TBCK: variants seen among roughly 807,000 people sequenced by gnomAD.
The protein encoded by TBCK is TBC domain-containing protein kinase-like protein.
Under a neutral mutation model 113.4 loss-of-function variants are expected in TBCK, and 99 were observed. The ratio of observed to expected loss-of-function variants is 0.87; its 90% confidence interval spans 0.74 to 1.03. The LOEUF (loss-of-function observed/expected upper bound fraction) is 1.03, where lower values mean the gene tolerates loss of function less well. Among genes scored for constraint, TBCK ranks in the 50% least tolerant of loss-of-function variants. The probability of loss-of-function intolerance (pLI) is 0.00; values close to 1 mark genes in which losing one functional copy is unlikely to be tolerated. For missense variants in TBCK, 1,045 were observed against 1,061.3 expected (o/e 0.98, Z 0.21); for synonymous variants, 369 against 370.8 (o/e 1.00, Z 0.05).
intron 22 of TBCK, among the ~76,000 whole-genome samples, chr4:106,179,894 T>A (rs1350228130): frequency 6.6e-6 from 1 of 152,108 alleles, no homozygotes; most frequent in Non-Finnish European, 1.5e-5. Context: ...GGTTAATTAA[T>A]ATTTGTTTTA....
chr4:106,249,791 T>C (rs1212625858), intron 7 of TBCK, among the ~76,000 whole-genome samples: 1 of 152,144 alleles, frequency 6.6e-6, no homozygotes, highest in African/African-American at 2.4e-5. Context: ...TATTTAATGT[T>C]TACTAATACT....
intron 2 of TBCK, among the ~76,000 whole-genome samples, chr4:106,303,190 T>C (rs1480374236): frequency 1.3e-5 from 2 of 152,192 alleles, no homozygotes; most frequent in Non-Finnish European, 2.9e-5. Flanking sequence ...TTGGTAAATA[T>C]ATGACATGGT....
chr4:106,076,521 T>C (rs72677306), intron 25 of TBCK, among the ~76,000 whole-genome samples: 42,706 of 151,972 alleles, frequency 0.28, 6,285 homozygotes, highest in Middle Eastern at 0.34. Context: ...CAGAGAACCC[T>C]TGTGAGATAC....
chr4:106,239,785 T>A (rs1245889331), intron 12 of TBCK, among the ~76,000 whole-genome samples: 1 of 151,962 alleles, frequency 6.6e-6, no homozygotes, highest in Non-Finnish European at 1.5e-5. Flanking sequence ...GTTTTAAAGC[T>A]AACTCCCATG....
chr4:106,221,483 T>C (rs1757673447), intron 19 of TBCK, among the ~76,000 whole-genome samples: 2 of 152,144 alleles, frequency 1.3e-5, no homozygotes, highest in Non-Finnish European at 2.9e-5. Flanking sequence ...GATAACAATA[T>C]GGCCTGTTAT....
intron 25 of TBCK, among the ~76,000 whole-genome samples, chr4:106,090,221 G>T (rs538274618): frequency 2.2e-4 from 34 of 152,332 alleles, no homozygotes; most frequent in African/African-American, 8.2e-4. Context: ...AGCTGCCAGG[G>T]ATTACGGCTT....
Position 106,171,236 on chromosome 4 carries a change from G to A in TBCK, c.2094C>T (p.Ile698=). ...TTTTAGGAGTCCAACAAAACAGGTTGATAGATTCTCTCACACAGCGTTCAA... is the reference window on the plus strand; with the variant it reads ...TTTTAGGAGTCCAACAAAACAGGTTAATAGATTCTCTCACACAGCGTTCAA... ...IDIERCVRES[I]NLFCWTPKSA... Residue 698 remains isoleucine (I), a synonymous_variant, in exon 23 of 26, where the codon ATC becomes ATT. Transcript: ENST00000394708. 1 of 1,610,926 alleles carries A rather than the reference G, an allele frequency of 6.2e-7. No homozygotes were observed. Among genetic ancestry groups the A allele is most frequent in the Non-Finnish European group, 8.5e-7 (1 of 1,178,894 alleles).
chr4:106,108,632 A>G (rs1174725466), intron 24 of TBCK, among the ~76,000 whole-genome samples: 1 of 152,222 alleles, frequency 6.6e-6, no homozygotes, highest in Admixed American at 6.5e-5. Context: ...GCTATCTATG[A>G]CAAAACCACA....
At chr4:106,298,619 CAAA>C (rs138282012) in intron 2 of TBCK, among the ~76,000 whole-genome samples, 3 of 150,932 alleles carry the variant, frequency 2.0e-5, no homozygotes, top group Non-Finnish European at 4.4e-5. Flanking sequence ...AAAACAACAA[CAAA>C]AAAAAGAAGA....
At chr4:106,200,682 G>A (rs1754782622) in intron 20 of TBCK, among the ~76,000 whole-genome samples, 1 of 151,464 alleles carries the variant, frequency 6.6e-6, no homozygotes, top group African/African-American at 2.4e-5. Context: ...ATTTACTCTA[G>A]AATATGAGGT....
At chr4:106,262,528 C>T (rs1043005871) in intron 3 of TBCK, among the ~76,000 whole-genome samples, 6 of 151,944 alleles carry the variant, frequency 3.9e-5, no homozygotes, top group Non-Finnish European at 7.4e-5. Flanking sequence ...GGTTTGGCTT[C>T]GCCAAATTAT....
At chr4:106,294,463 A>G (rs1766058341) in intron 3 of TBCK, among the ~76,000 whole-genome samples, 1 of 150,534 alleles carries the variant, frequency 6.6e-6, no homozygotes, top group African/African-American at 2.5e-5. Context: ...CCACTCTTAT[A>G]CTAAAAATAC....
chr4:106,242,440 A>T (rs1326893069), intron 12 of TBCK, 30 bp downstream of exon 12: 2 of 1,533,306 alleles, frequency 1.3e-6, no homozygotes, highest in African/African-American at 2.8e-5. Context: ...AAAAAAACCT[A>T]AAGCAGAACT....
intron 2 of TBCK, among the ~76,000 whole-genome samples, chr4:106,299,548 A>T (rs183474694): frequency 6.6e-6 from 1 of 152,340 alleles, no homozygotes. Context: ...GGAACTATTA[A>T]GCATAGTTTT....
intron 25 of TBCK, among the ~76,000 whole-genome samples, chr4:106,060,335 TAA>T: frequency 6.6e-6 from 1 of 151,864 alleles, no homozygotes; most frequent in Admixed American, 6.6e-5. Flanking sequence ...TGTTAGAGGC[TAA>T]TGTAGATGGT....
chr4:106,309,593 C>T (rs997982426), intron 1 of TBCK, among the ~76,000 whole-genome samples: 1 of 152,062 alleles, frequency 6.6e-6, no homozygotes, highest in East Asian at 1.9e-4. Flanking sequence ...TGAGCCACCA[C>T]ACCCAGCCAA....
chr4:106,197,429 A>ATG (rs1408847825), intron 20 of TBCK, among the ~76,000 whole-genome samples: 1 of 148,522 alleles, frequency 6.7e-6, no homozygotes, highest in South Asian at 2.1e-4. Flanking sequence ...ATATATATAT[A>ATG]TATAATACAA....
chr4:106,160,359 A>C (rs1351892231), intron 23 of TBCK, among the ~76,000 whole-genome samples: 1 of 151,928 alleles, frequency 6.6e-6, no homozygotes, highest in Non-Finnish European at 1.5e-5. Flanking sequence ...AATATTTGCA[A>C]ATCATATATT....
At chr4:106,103,564 T>C (rs1428275927) in intron 24 of TBCK, among the ~76,000 whole-genome samples, 1 of 152,214 alleles carries the variant, frequency 6.6e-6, no homozygotes, top group Non-Finnish European at 1.5e-5. Context: ...GAAAGTTGCT[T>C]AACCTCTTTA....
Sources: gnomAD v4.1 joint callset for allele counts (sites outside exome capture counted in the v4.1 genomes callset) on GRCh38, gnomAD v4.1.1 for gene constraint, MANE v1.5 for transcripts, NCBI Gene and HGNC (gene_info 2026-07-23, HGNC 2026-07-21) for gene names.